RASAL2: variants seen among roughly 807,000 people sequenced by gnomAD.
RASAL2 encodes the protein ras GTPase-activating protein nGAP.
A neutral mutation model predicts 128.9 loss-of-function variants in RASAL2; 58 were observed. That is an observed-to-expected ratio of 0.45 (90% confidence interval 0.36 to 0.56). The LOEUF (loss-of-function observed/expected upper bound fraction) is 0.56, where lower values mean the gene tolerates loss of function less well. Among genes scored for constraint, RASAL2 ranks in the 20% least tolerant of loss-of-function variants. The pLI, the probability that RASAL2 is intolerant of heterozygous loss-of-function variation, is 0.00. For synonymous variants in RASAL2, 561 were observed against 580.8 expected, an observed-to-expected ratio of 0.97 and a Z score of 0.49; for missense variants, 1,360 against 1,601.6, an observed-to-expected ratio of 0.85 and a Z score of 2.57.
chr1:178,167,423 A>G (rs1438639133), intron 1 of RASAL2, among the ~76,000 whole-genome samples: 2 of 152,118 alleles, frequency 1.3e-5, no homozygotes, highest in Non-Finnish European at 2.9e-5. Context: ...ATGAATCAAA[A>G]TAATAAAATT....
intron 1 of RASAL2, among the ~76,000 whole-genome samples, chr1:178,232,394 A>C (rs1022208329): frequency 3.9e-5 from 6 of 152,196 alleles, no homozygotes; most frequent in Admixed American, 3.3e-4. Context: ...TTTTCCAGCC[A>C]ACTTATCCCA....
chr1:178,451,866 A>C, intron 10 of RASAL2, 151 bp downstream of exon 10: 1 of 929,966 alleles, frequency 1.1e-6, no homozygotes. Context: ...AGTTTCCCTA[A>C]TACAGTCCCG....
At chr1:178,171,431 G>A (rs926099139) in intron 1 of RASAL2, among the ~76,000 whole-genome samples, 2 of 151,924 alleles carry the variant, frequency 1.3e-5, no homozygotes, top group Admixed American at 1.3e-4. Flanking sequence ...TACTTGAGTT[G>A]CCTGTTAAAA....
At position 178,288,458 on chromosome 1, in the gene RASAL2, T is replaced by G. The variant is rs187672721; in HGVS notation, c.330+4767T>G. Among the ~76,000 whole-genome samples the G allele has an allele frequency of 2.0e-5, 3 of 152,010 alleles. No homozygotes were observed. In the East Asian group the frequency reaches 5.8e-4, roughly 30 times the overall value. On this transcript the variant is annotated intron_variant, in intron 2 of 17. Coordinates refer to ENST00000367649, the MANE Select transcript of RASAL2 (RefSeq NM_170692.4). ...CAGCAACTGTTTCCTTCTACCCTTATTTTACTTTTTTAACTGTGATTGAGC... is the reference window on the plus strand; with the variant it reads ...CAGCAACTGTTTCCTTCTACCCTTAGTTTACTTTTTTAACTGTGATTGAGC...
intron 3 of RASAL2, among the ~76,000 whole-genome samples, chr1:178,349,354 G>T (rs1268829450): frequency 6.6e-6 from 1 of 151,842 alleles, no homozygotes; most frequent in Non-Finnish European, 1.5e-5. Context: ...GAACCCGGAG[G>T]CAGAGGTTGA....
intron 1 of RASAL2, among the ~76,000 whole-genome samples, chr1:178,125,701 G>C (rs978630144): frequency 6.6e-6 from 1 of 152,020 alleles, no homozygotes; most frequent in Non-Finnish European, 1.5e-5. Flanking sequence ...GATGCAGAAC[G>C]AACAGGTGAA....
intron 1 of RASAL2, chr1:178,125,497 T>G (rs1379401785): frequency 2.6e-5 from 4 of 152,232 alleles, no homozygotes; most frequent in Non-Finnish European, 5.9e-5. Flanking sequence ...CGGCATCTGC[T>G]TCTGGTGAGG....
intron 2 of RASAL2, among the ~76,000 whole-genome samples, chr1:178,295,255 A>C (rs1453655308): frequency 6.6e-6 from 1 of 151,564 alleles, no homozygotes; most frequent in Non-Finnish European, 1.5e-5. Flanking sequence ...AAAAAAAAAA[A>C]ACAAAAAAAA....
intron 3 of RASAL2, among the ~76,000 whole-genome samples, chr1:178,377,531 T>G (rs566747801): frequency 6.6e-6 from 1 of 152,186 alleles, no homozygotes; most frequent in African/African-American, 2.4e-5. Context: ...GGGCCAAGGG[T>G]CTAACAAAGT....
At chr1:178,361,163 TA>T (rs1408396683) in intron 3 of RASAL2, among the ~76,000 whole-genome samples, 1 of 152,226 alleles carries the variant, frequency 6.6e-6, no homozygotes, top group Non-Finnish European at 1.5e-5. Flanking sequence ...TAAACTCATT[TA>T]AGATCAAATA....
At chr1:178,251,114 C>T (rs1665034142) in intron 1 of RASAL2, among the ~76,000 whole-genome samples, 1 of 152,140 alleles carries the variant, frequency 6.6e-6, no homozygotes, top group Admixed American at 6.6e-5. Context: ...CTGTTTTGTT[C>T]CTGACTCACT....
chr1:178,431,339 C>A (rs1675884146), intron 5 of RASAL2, among the ~76,000 whole-genome samples: 2 of 152,006 alleles, frequency 1.3e-5, no homozygotes, highest in South Asian at 2.1e-4. Context: ...TAAACATGTA[C>A]AAATGTCCTC....
intron 3 of RASAL2, among the ~76,000 whole-genome samples, chr1:178,313,106 C>T (rs1030200913): frequency 1.2e-4 from 18 of 152,162 alleles, no homozygotes; most frequent in Admixed American, 3.9e-4. Context: ...CTACAGTCTA[C>T]ATAGGATTTA....
chr1:178,375,993 C>G (rs1671970291), intron 3 of RASAL2, among the ~76,000 whole-genome samples: 1 of 151,634 alleles, frequency 6.6e-6, no homozygotes, highest in Admixed American at 6.6e-5. Context: ...AAGAGCTTGT[C>G]AAGAAAAAAG....
chr1:178,269,136 A>C (rs1666123477), intron 1 of RASAL2, among the ~76,000 whole-genome samples: 1 of 152,200 alleles, frequency 6.6e-6, no homozygotes, highest in African/African-American at 2.4e-5. Flanking sequence ...CGTTGCCCTT[A>C]TAAAGAAGGG....
chr1:178,380,898 A>G (rs1420335750), intron 3 of RASAL2, among the ~76,000 whole-genome samples: 1 of 152,234 alleles, frequency 6.6e-6, no homozygotes, highest in Non-Finnish European at 1.5e-5. Flanking sequence ...ACTAAAACGC[A>G]TATAATCAAA....
In RASAL2 at chr1:178,457,695, A is replaced by G. The variant is rs1031945342; in HGVS notation, c.2403A>G (p.Lys801=). ...TCCTTTTCCACAGTGATTTGCATAA[A>G]CTAAAATCTCCAAGCCAGGACAACA... The part of the protein sequence containing the change: ...FEDPTDSDLH[K]LKSPSQDNTD... The change falls in exon 14 of 18, where the codon AAA becomes AAG. Residue 801 remains lysine (K), a synonymous_variant. Coordinates refer to ENST00000367649, the MANE Select transcript of RASAL2 (RefSeq NM_170692.4). 6.2e-7 allele frequency: 1 copy of G among 1,613,280 alleles called. No individual in the cohort carries two copies. The highest frequency in any genetic ancestry group is 1.3e-5 in the African/African-American group (1 of 74,988).
chr1:178,249,553 A>G (rs1370987446), intron 1 of RASAL2, among the ~76,000 whole-genome samples: 3 of 152,012 alleles, frequency 2.0e-5, no homozygotes, highest in African/African-American at 2.4e-5. Flanking sequence ...CAGCTCGTCA[A>G]ACTCATTCTC....
At chr1:178,244,129 T>A (rs1335663782) in intron 1 of RASAL2, among the ~76,000 whole-genome samples, 2 of 152,224 alleles carry the variant, frequency 1.3e-5, no homozygotes, top group Non-Finnish European at 2.9e-5. Flanking sequence ...TATACAGTAT[T>A]CAGCAATGAT....
Sources: allele counts gnomAD v4.1 joint callset (sites outside exome capture counted in the v4.1 genomes callset), GRCh38; gene constraint gnomAD v4.1.1; transcripts MANE v1.5; gene names NCBI Gene and HGNC (gene_info 2026-07-23, HGNC 2026-07-21).